Variants in FAR2 observed in about 807,000 individuals in gnomAD.
FAR2 encodes the protein fatty acyl-CoA reductase 2.
In FAR2, 19 loss-of-function variants were observed where a neutral mutation model predicts 56.0. That is an observed-to-expected ratio of 0.34 (90% confidence interval 0.24 to 0.50). The LOEUF is 0.50. FAR2 is among the 20% of genes least tolerant of loss of function. The probability of loss-of-function intolerance (pLI) is 0.98; values close to 1 mark genes in which losing one functional copy is unlikely to be tolerated. For missense variants in FAR2, 508 were observed against 642.2 expected (o/e 0.79, Z 2.26); for synonymous variants, 219 against 218.8 (o/e 1.00, Z -0.01).
At chr12:29,169,497 G>T (rs1037670454) in intron 1 of FAR2, among the ~76,000 whole-genome samples, 3 of 152,244 alleles carry the variant, frequency 2.0e-5, no homozygotes, top group African/African-American at 7.2e-5. Flanking sequence ...AGAAAGGGGA[G>T]AAGCCATGTT....
At chr12:29,273,256 G>C (rs914688446) in intron 2 of FAR2, among the ~76,000 whole-genome samples, 4 of 152,212 alleles carry the variant, frequency 2.6e-5, no homozygotes, top group Admixed American at 6.5e-5. Context: ...AAGTCTGCTG[G>C]TCCACAGAGA....
chr12:29,222,943 A>C (rs1422767664), intron 1 of FAR2, among the ~76,000 whole-genome samples: 1 of 152,222 alleles, frequency 6.6e-6, no homozygotes, highest in Non-Finnish European at 1.5e-5. Flanking sequence ...AATTGCACAC[A>C]CACTGACAAT....
chr12:29,255,045 T>C (rs1349139050), intron 1 of FAR2, among the ~76,000 whole-genome samples: 1 of 152,182 alleles, frequency 6.6e-6, no homozygotes, highest in East Asian at 1.9e-4. Flanking sequence ...AATTTACATC[T>C]CTATTCAGAT....
At chr12:29,310,044 T>C (rs997872277) in intron 6 of FAR2, 3 of 152,202 alleles carry the variant, frequency 2.0e-5, no homozygotes, top group African/African-American at 7.2e-5. Flanking sequence ...CAGTGAATTA[T>C]AACAGTGACA....
At chr12:29,221,199 A>G (rs1367759605) in intron 1 of FAR2, among the ~76,000 whole-genome samples, 2 of 152,156 alleles carry the variant, frequency 1.3e-5, no homozygotes, top group Admixed American at 6.5e-5. Context: ...GCCCAACTCC[A>G]GAGATCTTAT....
rs565595782 is a variant in FAR2, at chr12:29,181,064, G to A, written c.-39+31657G>A. 8.2e-4 allele frequency among the ~76,000 whole-genome samples: 125 copies of A among 151,990 alleles called. 1 individual carries two copies. The highest frequency in any genetic ancestry group is 2.8e-3 in the African/African-American group (118 of 41,464). ...TTCATTAATTCCTATGTACTTATCT[G>A]CAAAATATAGAATTGCATGTTTTTC... On this transcript the variant is annotated intron_variant, in intron 1 of 11. Transcript: ENST00000536681.
At chr12:29,302,978 T>C (rs901371083) in intron 4 of FAR2, among the ~76,000 whole-genome samples, 1 of 152,210 alleles carries the variant, frequency 6.6e-6, no homozygotes, top group Non-Finnish European at 1.5e-5. Context: ...TGCATACTTG[T>C]CATGTTTTGC....
chr12:29,265,591 G>A (rs1007327691), intron 1 of FAR2, among the ~76,000 whole-genome samples: 1 of 152,028 alleles, frequency 6.6e-6, no homozygotes, highest in African/African-American at 2.4e-5. Context: ...AAAACATCAG[G>A]GAAAGTCTCC....
intron 1 of FAR2, among the ~76,000 whole-genome samples, chr12:29,242,910 G>T (rs966951981): frequency 2.6e-5 from 4 of 152,158 alleles, no homozygotes; most frequent in South Asian, 2.1e-4. Context: ...GTAAAAATGG[G>T]TATAATAGTT....
At chr12:29,321,421 C>T (rs935101760) in intron 9 of FAR2, among the ~76,000 whole-genome samples, 39 of 151,984 alleles carry the variant, frequency 2.6e-4, no homozygotes, top group African/African-American at 9.4e-4. Context: ...AGAGTAAGAC[C>T]CTGTCTCAAA....
chr12:29,265,658 TGCACAA>T (rs71042975), intron 1 of FAR2, among the ~76,000 whole-genome samples: 20,652 of 151,654 alleles, frequency 0.14, 1,513 homozygotes, highest in Middle Eastern at 0.27. Flanking sequence ...GAAGCAAAAA[TGCACAA>T]ATGGGATTAC....
chr12:29,235,747 C>A (rs1187079109), intron 1 of FAR2, among the ~76,000 whole-genome samples: 1 of 152,016 alleles, frequency 6.6e-6, no homozygotes, highest in Non-Finnish European at 1.5e-5. Flanking sequence ...AGGCTGTGCC[C>A]AGCTCTGGGG....
intron 2 of FAR2, among the ~76,000 whole-genome samples, chr12:29,278,645 G>T (rs913445124): frequency 4.6e-5 from 7 of 152,118 alleles, no homozygotes; most frequent in Non-Finnish European, 8.8e-5. Flanking sequence ...ACCACACCTG[G>T]CTAGAGAACA....
chr12:29,264,229 T>C (rs1004589950), intron 1 of FAR2, among the ~76,000 whole-genome samples: 1 of 152,156 alleles, frequency 6.6e-6, no homozygotes. Context: ...AACCATATGA[T>C]CATTTCAGTT....
chr12:29,228,058 C>G (rs34036230), intron 1 of FAR2, among the ~76,000 whole-genome samples: 1 of 150,982 alleles, frequency 6.6e-6, no homozygotes, highest in African/African-American at 2.4e-5. Flanking sequence ...GTGCAGCACA[C>G]CAACATGGCA....
chr12:29,332,598 A>G lies in FAR2; in HGVS notation c.1258-2A>G. The G allele has an allele frequency of 1.2e-6, 2 of 1,613,602 alleles. No individual in the cohort carries two copies. Among genetic ancestry groups the G allele is most frequent in the Non-Finnish European group, 1.7e-6 (2 of 1,179,630 alleles). ...CAATCTATAATCTCTCTTGCCTCTC[A>G]GGTATTCAACTTTGACGTGCGCCAG... On this transcript the variant is annotated splice_acceptor_variant, in intron 10 of 11. Transcript: ENST00000536681. LOFTEE classifies it high-confidence loss of function.
rs550861412 is a variant in FAR2 at position 29,316,156 on chromosome 12, A to T, written c.956-685A>T. ...TGAGCTTAGGCATATGCTTTGAAAA[A>T]AAACCTACATACATTAAATAAAATT... is the stretch of plus-strand genomic sequence containing the variant. On this transcript the variant is annotated intron_variant, in intron 8 of 11. Coordinates refer to ENST00000536681, the MANE Select transcript of FAR2 (RefSeq NM_001271783.2). 9.2e-4 allele frequency among the ~76,000 whole-genome samples: 140 copies of T among 152,322 alleles called. 1 individual carries two copies. Among genetic ancestry groups the T allele is most frequent in the Non-Finnish European group, 1.7e-3 (118 of 68,026 alleles).
At position 29,307,840 on chromosome 12, in the gene FAR2, G is replaced by A; in HGVS notation, c.723+5G>A. ...ACTTGGCAGGAGCCTTTCCCAGTAA[G>A]CCCACTTACCTGGATTCTGTGTTTT... On this transcript the variant is annotated splice_donor_5th_base_variant and intron_variant, in intron 5 of 11. Coordinates refer to ENST00000536681, the MANE Select transcript of FAR2 (RefSeq NM_001271783.2). The A allele has an allele frequency of 6.2e-7, 1 of 1,607,710 alleles. No homozygotes were observed. Among genetic ancestry groups the A allele is most frequent in the Non-Finnish European group, 8.5e-7 (1 of 1,178,456 alleles).
At chr12:29,269,887 C>T (rs1029065082) in intron 1 of FAR2, among the ~76,000 whole-genome samples, 1 of 152,186 alleles carries the variant, frequency 6.6e-6, no homozygotes, top group Non-Finnish European at 1.5e-5. Flanking sequence ...CAGTCCTAAC[C>T]TTCTCATTTA....
Sources: gnomAD v4.1 joint callset for allele counts (sites outside exome capture counted in the v4.1 genomes callset) on GRCh38, gnomAD v4.1.1 for gene constraint, MANE v1.5 for transcripts, NCBI Gene and HGNC (gene_info 2026-07-23, HGNC 2026-07-21) for gene names.